Variants in ASB5 observed in about 807,000 individuals in gnomAD.
The protein encoded by ASB5 is ankyrin repeat and SOCS box protein 5.
A neutral mutation model predicts 42.1 loss-of-function variants in ASB5; 45 were observed. The ratio of observed to expected loss-of-function variants is 1.07; its 90% CI spans 0.84 to 1.37. The LOEUF is 1.37. Among genes scored for constraint, ASB5 ranks in the 40% most tolerant of loss-of-function variants. ASB5 has a pLI of 0.00. For synonymous variants in ASB5, 147 were observed against 150.6 expected, an observed-to-expected ratio of 0.98 and a Z score of 0.18; for missense variants, 402 against 399.8, an observed-to-expected ratio of 1.01 and a Z score of -0.05.
intron 2 of ASB5, among the ~76,000 whole-genome samples, chr4:176,224,458 C>T (rs1048093203): frequency 6.6e-6 from 1 of 152,014 alleles, no homozygotes; most frequent in Non-Finnish European, 1.5e-5. Context: ...TGGTCTCAAA[C>T]TCCTGACCTC....
At chr4:176,260,297 A>T (rs1754233733) in intron 1 of ASB5, among the ~76,000 whole-genome samples, 2 of 152,154 alleles carry the variant, frequency 1.3e-5, no homozygotes. Context: ...TCTTAAATCT[A>T]CCTTAAATAT....
At position 176,226,954 on chromosome 4, in the gene ASB5, G is replaced by GCATTC. The variant is rs1443638413; in HGVS notation, c.197-1618_197-1614dup. On this transcript the variant is annotated intron_variant, in intron 1 of 6. Coordinates refer to ENST00000296525, the MANE Select transcript of ASB5 (RefSeq NM_080874.4). ...GACTCAACAGTGTCCTAGTGCTTAA[G>GCATTC]CATTCTATTGCCTGTTGCTATAAAA... 3.3e-5 allele frequency among the ~76,000 whole-genome samples: 5 copies of GCATTC among 152,244 alleles called. No homozygotes were observed. The East Asian group carries it at 9.6e-4, about 29-fold the overall frequency.
intron 1 of ASB5, among the ~76,000 whole-genome samples, chr4:176,236,075 G>T (rs1403406446): frequency 6.6e-6 from 1 of 151,948 alleles, no homozygotes; most frequent in Non-Finnish European, 1.5e-5. Context: ...TTAGATTTTT[G>T]ACATAAAACG....
At chr4:176,234,626 A>C (rs1753639069) in intron 1 of ASB5, among the ~76,000 whole-genome samples, 1 of 152,166 alleles carries the variant, frequency 6.6e-6, no homozygotes, top group African/African-American at 2.4e-5. Context: ...CACATCAGTG[A>C]ATGTTTGTTG....
chr4:176,235,791 T>C (rs1215168069), intron 1 of ASB5, among the ~76,000 whole-genome samples: 3 of 145,688 alleles, frequency 2.1e-5, no homozygotes, highest in Admixed American at 7.0e-5. Flanking sequence ...CTAAGACTTG[T>C]CTTTTTTTTT....
At chr4:176,247,324 C>T (rs1226688876) in intron 1 of ASB5, among the ~76,000 whole-genome samples, 4 of 151,966 alleles carry the variant, frequency 2.6e-5, no homozygotes, top group African/African-American at 4.8e-5. Flanking sequence ...AAGTATTGTG[C>T]GAACCACAGA....
At chr4:176,241,706 G>T in intron 1 of ASB5, 2 of 1,267,248 alleles carry the variant, frequency 1.6e-6, no homozygotes, top group Non-Finnish European at 1.0e-6. Flanking sequence ...GAGTAAGCCT[G>T]ACATAAGCAT....
exon 1 of ASB5, chr4:176,277,266 A>C (rs1393337379): frequency 1.3e-5 from 2 of 152,188 alleles, no homozygotes; most frequent in Non-Finnish European, 2.9e-5. Flanking sequence ...TCCGCGTCGC[A>C]AGTCAAGATG....
intron 1 of ASB5, among the ~76,000 whole-genome samples, chr4:176,255,024 G>T (rs1246810944): frequency 6.6e-6 from 1 of 152,170 alleles, no homozygotes; most frequent in East Asian, 1.9e-4. Context: ...CAGCTACTCA[G>T]GAGGCTGAGG....
In ASB5 at chr4:176,225,326, C is replaced by A; in HGVS notation, c.212G>T (p.Arg71Leu). Residue 71 changes from arginine to leucine, a missense_variant, in exon 2 of 7, where the codon CGA (arginine) becomes CTA (leucine). Coordinates refer to ENST00000296525, the MANE Select transcript of ASB5 (RefSeq NM_080874.4). The stretch of plus-strand genomic sequence containing the variant: ...ACTTGCTGCTTCATGTAGTGGTGAT[C>A]GATCTGCCCAGGAACCTGTCAAAAA... Reference protein sequence around the residue: ...VTQGQGSWADRSPLHEAASQG... With the variant: ...VTQGQGSWADLSPLHEAASQG... 1 of 1,613,708 alleles carries A rather than the reference C, an allele frequency of 6.2e-7. No individual in the cohort carries two copies. Among genetic ancestry groups the A allele is most frequent in the Non-Finnish European group, 8.5e-7 (1 of 1,179,884 alleles).
chr4:176,245,867 G>A (rs567104166), intron 1 of ASB5, among the ~76,000 whole-genome samples: 2 of 152,000 alleles, frequency 1.3e-5, no homozygotes, highest in Non-Finnish European at 2.9e-5. Flanking sequence ...TTGAATACAG[G>A]GTGAGGAACA....
chr4:176,246,203 A>C (rs771896302), intron 1 of ASB5, among the ~76,000 whole-genome samples: 1 of 152,206 alleles, frequency 6.6e-6, no homozygotes, highest in African/African-American at 2.4e-5. Flanking sequence ...ACTGTATTTA[A>C]TTTTAACCAT....
intron 5 of ASB5, among the ~76,000 whole-genome samples, chr4:176,219,978 G>T (rs1030271264): frequency 2.6e-5 from 4 of 152,144 alleles, no homozygotes; most frequent in African/African-American, 9.7e-5. Flanking sequence ...AAGAAGAATT[G>T]TCTTGGGCCA....
intron 1 of ASB5, among the ~76,000 whole-genome samples, chr4:176,266,481 A>T (rs1754358911): frequency 6.6e-6 from 1 of 152,172 alleles, no homozygotes; most frequent in South Asian, 2.1e-4. Context: ...AAAATAGTTT[A>T]CTTATAGTAA....
chr4:176,222,574 T>C (rs528883029), intron 2 of ASB5, among the ~76,000 whole-genome samples, 154 bp from the exon 3 acceptor site: 1 of 152,322 alleles, frequency 6.6e-6, no homozygotes, highest in Admixed American at 6.5e-5. Context: ...TCAAATGCCA[T>C]AGGGTCAATC....
In ASB5 at chr4:176,221,204, T is replaced by C; in HGVS notation, c.621A>G (p.Val207=). 5.0e-6 allele frequency: 8 copies of C among 1,614,164 alleles called. No individual in the cohort carries two copies. The highest frequency in any genetic ancestry group is 5.9e-6 in the Non-Finnish European group (7 of 1,180,028). ...AATGGAATTGCTGTGACATACAAGC[T>C]ACATAGAGAGGAGTTCCCAAATGAG... ...EIPHLGTPLY[V]ACMSQQFHCI... The change falls in exon 5 of 7, where the codon GTA becomes GTG. Residue 207 remains valine (V), a synonymous_variant. Coordinates refer to ENST00000296525, the MANE Select transcript of ASB5 (RefSeq NM_080874.4).
At chr4:176,216,132 T>G (rs1248928485) in intron 6 of ASB5, among the ~76,000 whole-genome samples, 1 of 152,192 alleles carries the variant, frequency 6.6e-6, no homozygotes, top group Non-Finnish European at 1.5e-5. Context: ...TAAGAAATCC[T>G]ATTTTAGAAC....
chr4:176,227,258 GACT>G (rs1421046440), intron 1 of ASB5, among the ~76,000 whole-genome samples: 2 of 152,190 alleles, frequency 1.3e-5, no homozygotes, highest in Non-Finnish European at 1.5e-5. Context: ...ATTGTGCTTA[GACT>G]AGTGTACACA....
chr4:176,237,124 T>C (rs994293340), intron 1 of ASB5, among the ~76,000 whole-genome samples: 1 of 152,200 alleles, frequency 6.6e-6, no homozygotes, highest in African/African-American at 2.4e-5. Flanking sequence ...CCGATGCAGT[T>C]TCCATACACG....
Sources: gnomAD v4.1 joint callset for allele counts (sites outside exome capture counted in the v4.1 genomes callset) on GRCh38, gnomAD v4.1.1 for gene constraint, MANE v1.5 for transcripts, NCBI Gene and HGNC (gene_info 2026-07-23, HGNC 2026-07-21) for gene names.